The following LEKR1 variants were observed in gnomAD, a reference collection of about 807,000 sequenced individuals.
LEKR1 encodes the protein protein LEKR1.
Under a neutral mutation model 72.4 loss-of-function variants are expected in LEKR1, and 59 were observed. The ratio of observed to expected loss-of-function variants is 0.82; its 90% CI spans 0.66 to 1.01. The LOEUF (loss-of-function observed/expected upper bound fraction) is 1.01. LEKR1 is among the 50% of genes least tolerant of loss of function. The probability of loss-of-function intolerance (pLI) is 0.00; values close to 1 mark genes in which losing one functional copy is unlikely to be tolerated. For synonymous variants in LEKR1, 257 were observed against 263.2 expected (o/e 0.98, Z 0.23); for missense variants, 728 against 759.2 (o/e 0.96, Z 0.48).
At chr3:156,942,823 G>A in intron 6 of LEKR1, 109 bp downstream of exon 6, 1 of 437,182 alleles carries the variant, frequency 2.3e-6, no homozygotes. Context: ...ATTATTTTGA[G>A]TTGCAAATAT....
intron 11 of LEKR1, 90 bp from the exon 12 acceptor site, chr3:157,028,013 T>C (rs1734330210): frequency 2.4e-6 from 2 of 835,816 alleles, no homozygotes; most frequent in Admixed American, 5.4e-5. Flanking sequence ...AGTACACTGA[T>C]TAATGAAAAT....
At chr3:156,965,538 C>T (rs1411926398) in intron 6 of LEKR1, among the ~76,000 whole-genome samples, 1 of 152,160 alleles carries the variant, frequency 6.6e-6, no homozygotes, top group Non-Finnish European at 1.5e-5. Flanking sequence ...AATGTAACTA[C>T]ATCTGTATTG....
chr3:156,977,693 G>T (rs1560121562), intron 6 of LEKR1: 1 of 242,504 alleles, frequency 4.1e-6, no homozygotes, highest in Admixed American at 4.3e-5. Context: ...GCATATGGAA[G>T]TTTGCTCTGT....
intron 12 of LEKR1, among the ~76,000 whole-genome samples, chr3:157,044,982 G>A (rs1254986410): frequency 6.6e-6 from 1 of 152,138 alleles, no homozygotes; most frequent in African/African-American, 2.4e-5. Context: ...TACTGTCTGC[G>A]ACTTGAGGCA....
Position 156,993,290 on chromosome 3 carries a change from A to G in LEKR1, c.1109+13A>G. 1.3e-6 allele frequency: 2 copies of G among 1,527,752 alleles called. No homozygotes were observed. The highest frequency in any genetic ancestry group is 2.1e-5 in the Admixed American group (1 of 47,884). 94.6% of individuals were successfully genotyped at this position (1,527,752 alleles called of 1,614,324 possible). On this transcript the variant is annotated intron_variant, in intron 9 of 12. Transcript: ENST00000356539. The stretch of plus-strand genomic sequence containing the variant: ...TGAAAAATGAAAGGTGCAGTAAACA[A>G]TAATTTCTTACAAAAACATTTTATG...
At chr3:156,990,738 T>G (rs1345713618) in intron 7 of LEKR1, among the ~76,000 whole-genome samples, 2 of 152,224 alleles carry the variant, frequency 1.3e-5, no homozygotes, top group African/African-American at 4.8e-5. Context: ...AAACTGGCTC[T>G]TCTGAAATTA....
At chr3:156,860,453 G>C (rs1278178803) in intron 3 of LEKR1, among the ~76,000 whole-genome samples, 1 of 152,104 alleles carries the variant, frequency 6.6e-6, no homozygotes, top group Non-Finnish European at 1.5e-5. Flanking sequence ...TCTCATGTTA[G>C]GTGAGCCAGA....
At chr3:156,974,070 A>G (rs1553818027) in intron 6 of LEKR1, among the ~76,000 whole-genome samples, 1 of 152,132 alleles carries the variant, frequency 6.6e-6, no homozygotes, top group Non-Finnish European at 1.5e-5. Flanking sequence ...CAAGATGGGT[A>G]AAAAACTTTC....
At chr3:156,870,975 C>CTT in intron 3 of LEKR1, among the ~76,000 whole-genome samples, 1 of 151,744 alleles carries the variant, frequency 6.6e-6, no homozygotes, top group South Asian at 2.1e-4. Context: ...TATTATTATA[C>CTT]TTTAAGTTTT....
intron 2 of LEKR1, among the ~76,000 whole-genome samples, chr3:156,845,672 G>C (rs1404559556): frequency 6.6e-6 from 1 of 152,018 alleles, no homozygotes; most frequent in Non-Finnish European, 1.5e-5. Context: ...TTTCTGTTCT[G>C]TTCCATTGAT....
chr3:156,977,474 G>T, intron 6 of LEKR1: 1 of 454,162 alleles, frequency 2.2e-6, no homozygotes, highest in Admixed American at 2.8e-5. Context: ...CTTGCAACAA[G>T]CATTGTTGCA....
intron 9 of LEKR1, among the ~76,000 whole-genome samples, chr3:157,000,956 TC>T (rs1731966069): frequency 6.6e-6 from 1 of 152,170 alleles, no homozygotes; most frequent in African/African-American, 2.4e-5. Flanking sequence ...TATAAGGGGC[TC>T]TTCCCCCCTT....
intron 10 of LEKR1, among the ~76,000 whole-genome samples, chr3:157,013,715 T>C (rs901149525): frequency 3.9e-5 from 6 of 152,108 alleles, no homozygotes; most frequent in Non-Finnish European, 8.8e-5. Flanking sequence ...TGTTAGCTAT[T>C]GAGACTATGA....
At chr3:157,023,863 T>C (rs1182112830) in intron 10 of LEKR1, among the ~76,000 whole-genome samples, 1 of 152,234 alleles carries the variant, frequency 6.6e-6, no homozygotes, top group African/African-American at 2.4e-5. Flanking sequence ...TGGATACAGA[T>C]GCTCTTCACC....
At position 157,045,918 on chromosome 3, in the gene LEKR1, G is replaced by T. The variant is rs1029413922; in HGVS notation, c.*168G>T. On this transcript the variant is annotated 3_prime_UTR_variant, in exon 13 of 13. Transcript: ENST00000356539. ...CTGTAAAAAGCTGGAAAATTGTGAA[G>T]CCTTATTTTTCAAGAGGGTTTTGAT... The T allele has an allele frequency of 3.0e-5, 19 of 633,682 alleles. No individual in the cohort carries two copies. The highest frequency in any genetic ancestry group is 8.5e-4 in the Middle Eastern group (2 of 2,362). 39.3% of individuals were successfully genotyped at this position (633,682 alleles called of 1,614,324 possible).
intron 12 of LEKR1, among the ~76,000 whole-genome samples, chr3:157,038,498 T>C (rs1735119210): frequency 1.3e-5 from 2 of 152,182 alleles, no homozygotes. Context: ...ACTTAACCCT[T>C]GGGACTGAAT....
chr3:156,924,480 T>C, intron 4 of LEKR1: 1 of 657,670 alleles, frequency 1.5e-6, no homozygotes. Flanking sequence ...GAAATATAAT[T>C]TATCTGTTTT....
At chr3:156,944,097 A>G (rs1485174801) in intron 6 of LEKR1, among the ~76,000 whole-genome samples, 2 of 151,386 alleles carry the variant, frequency 1.3e-5, no homozygotes, top group Non-Finnish European at 1.5e-5. Flanking sequence ...TTGTTTTGGT[A>G]TAATCAATAA....
chr3:156,836,951 G>A (rs1713226993), intron 2 of LEKR1, among the ~76,000 whole-genome samples: 1 of 152,126 alleles, frequency 6.6e-6, no homozygotes, highest in South Asian at 2.1e-4. Flanking sequence ...AGGAGTCTGG[G>A]GCAGTCATTT....
Sources: gnomAD v4.1 joint callset for allele counts (sites outside exome capture counted in the v4.1 genomes callset) on GRCh38, gnomAD v4.1.1 for gene constraint, MANE v1.5 for transcripts, NCBI Gene and HGNC (gene_info 2026-07-23, HGNC 2026-07-21) for gene names.